ODR4: variants seen among roughly 807,000 people sequenced by gnomAD.
ODR4 encodes odr-4 GPCR localization factor homolog, also known as protein odr-4 homolog.
In ODR4, 47 loss-of-function variants were observed where a neutral mutation model predicts 60.2. The observed-to-expected ratio is 0.78, with a 90% CI of 0.62 to 1.00. The LOEUF (loss-of-function observed/expected upper bound fraction) is 1.00. ODR4 is among the 50% of genes least tolerant of loss of function. The probability of loss-of-function intolerance (pLI) is 0.00; values close to 1 mark genes in which losing one functional copy is unlikely to be tolerated. For synonymous variants in ODR4, 178 were observed against 175.5 expected (o/e 1.01, Z -0.11); for missense variants, 488 against 530.8 (o/e 0.92, Z 0.79).
At chr1:186,403,540 G>A (rs912051246) in intron 11 of ODR4, among the ~76,000 whole-genome samples, 4 of 151,852 alleles carry the variant, frequency 2.6e-5, no homozygotes, top group Non-Finnish European at 5.9e-5. Context: ...ACCTGAATTA[G>A]AGTATTTTTG....
chr1:186,380,731 C>T (rs1659991488), intron 2 of ODR4, among the ~76,000 whole-genome samples: 2 of 152,118 alleles, frequency 1.3e-5, no homozygotes, highest in South Asian at 4.1e-4. Flanking sequence ...AGCCTGATGC[C>T]TTAGAATCTT....
rs753229561 is a variant in ODR4 at position 186,420,126 on chromosome 1, C to T, written c.*1050C>T. 4 of 152,106 alleles carry T rather than the reference C, an allele frequency of 2.6e-5. No individual in the cohort carries two copies. The highest frequency in any genetic ancestry group is 6.5e-5 in the Admixed American group (1 of 15,268). 9.4% of individuals were successfully genotyped at this position (152,106 alleles called of 1,614,324 possible). A position where few individuals can be genotyped will look rare whatever the true frequency, so the allele number is the denominator to read the frequency against. ...AGGAGAATTTTCAAGAACCATACTT[C>T]GACATTTCCTCTGCCACAAAAAATG... On this transcript the variant is annotated 3_prime_UTR_variant, in exon 14 of 14. Coordinates refer to ENST00000287859, the MANE Select transcript of ODR4 (RefSeq NM_017847.6).
downstream of ODR4, among the ~76,000 whole-genome samples, chr1:186,424,885 T>C (rs1165628253): frequency 6.6e-6 from 1 of 151,920 alleles, no homozygotes; most frequent in Non-Finnish European, 1.5e-5. Flanking sequence ...GCTAAGTCCT[T>C]TTGGGGCCTT....
chr1:186,416,531 G>A (rs951836988), intron 12 of ODR4, among the ~76,000 whole-genome samples: 4 of 152,100 alleles, frequency 2.6e-5, no homozygotes, highest in Admixed American at 6.5e-5. Flanking sequence ...AGTTAGTCGG[G>A]CATAGTGGTG....
In ODR4 at chr1:186,383,132, A is replaced by G; in HGVS notation, c.210A>G (p.Glu70=). Residue 70 remains glutamate (E), a synonymous_variant, in exon 3 of 14, where the codon GAA becomes GAG. Transcript: ENST00000287859. ...PKAKLDNLDE[E]WATEHACQVS... ...CTAAGTTGGATAACTTGGATGAAGA[A>G]TGGGCCACAGAACATGCCTGCCAGG... 1 of 1,554,484 alleles carries G rather than the reference A, an allele frequency of 6.4e-7. No individual in the cohort carries two copies. The highest frequency in any genetic ancestry group is 8.7e-7 in the Non-Finnish European group (1 of 1,148,352).
At chr1:186,402,869 A>G (rs755408995) in intron 11 of ODR4, among the ~76,000 whole-genome samples, 2 of 152,310 alleles carry the variant, frequency 1.3e-5, no homozygotes, top group East Asian at 3.9e-4. Context: ...GGCATGAGCC[A>G]CTATGAATGG....
intron 2 of ODR4, among the ~76,000 whole-genome samples, chr1:186,380,386 TAGGG>T (rs1468709554): frequency 6.6e-6 from 1 of 152,062 alleles, no homozygotes; most frequent in African/African-American, 2.4e-5. Flanking sequence ...GTTGGATCAA[TAGGG>T]AGGGAGAGGG....
chr1:186,395,416 G>C (rs1660634595), intron 9 of ODR4, among the ~76,000 whole-genome samples: 2 of 151,970 alleles, frequency 1.3e-5, no homozygotes, highest in South Asian at 4.1e-4. Context: ...ATATTATATA[G>C]TATAATATAT....
chr1:186,406,697 T>C (rs189612675), intron 12 of ODR4, among the ~76,000 whole-genome samples: 7 of 151,678 alleles, frequency 4.6e-5, no homozygotes, highest in African/African-American at 1.7e-4. Context: ...CTTTTTTTTT[T>C]CATATACCTT....
At chr1:186,399,232 T>C in intron 11 of ODR4, 188 bp downstream of exon 11, 1 of 584,008 alleles carries the variant, frequency 1.7e-6, no homozygotes, top group South Asian at 1.6e-5. Context: ...TTAGACAGAG[T>C]CTCACTGTGT....
chr1:186,400,284 C>T (rs1234315084), intron 11 of ODR4, among the ~76,000 whole-genome samples: 1 of 150,636 alleles, frequency 6.6e-6, no homozygotes, highest in Non-Finnish European at 1.5e-5. Flanking sequence ...GCCACCGCGC[C>T]CGGCCTCCCC....
downstream of ODR4, among the ~76,000 whole-genome samples, chr1:186,425,909 AAC>A (rs538477467): frequency 1.4e-3 from 207 of 152,298 alleles, 2 homozygotes; most frequent in Non-Finnish European, 1.0e-4. Flanking sequence ...TCCAAAACTG[AAC>A]AGTTTCTTAG....
At chr1:186,401,284 T>A (rs1360574263) in intron 11 of ODR4, 1 of 1,133,846 alleles carries the variant, frequency 8.8e-7, no homozygotes, top group African/African-American at 1.6e-5. Context: ...TAAAGCCTAA[T>A]CCTAAATTTT....
chr1:186,381,772 G>A (rs919246642), intron 2 of ODR4, among the ~76,000 whole-genome samples: 47 of 151,808 alleles, frequency 3.1e-4, no homozygotes, highest in African/African-American at 1.1e-3. Flanking sequence ...CTGTTTCCTG[G>A]TCTCTGTCAG....
intron 7 of ODR4, among the ~76,000 whole-genome samples, chr1:186,391,291 CTTTTAT>C (rs1022049389): frequency 2.0e-5 from 3 of 148,552 alleles, no homozygotes; most frequent in African/African-American, 4.9e-5. Context: ...CTATACCATT[CTTTTAT>C]TTTTATCTTA....
chr1:186,394,866 T>G (rs1281865749), intron 9 of ODR4, among the ~76,000 whole-genome samples: 1 of 152,258 alleles, frequency 6.6e-6, no homozygotes, highest in African/African-American at 2.4e-5. Context: ...GGTATTTTAG[T>G]CTCTGATTTT....
At chr1:186,398,219 TTC>T in intron 9 of ODR4, 92 bp from the exon 10 acceptor site, 4 of 1,175,240 alleles carry the variant, frequency 3.4e-6, no homozygotes, top group Non-Finnish European at 4.5e-6. Flanking sequence ...CAAAACTTTG[TTC>T]TCTCTTCATA....
chr1:186,422,880 A>G (rs1661818371), downstream of ODR4, among the ~76,000 whole-genome samples: 1 of 152,224 alleles, frequency 6.6e-6, no homozygotes. Context: ...TATATGTTAA[A>G]GTTGTTATCA....
chr1:186,382,484 C>A (rs568366505), intron 2 of ODR4, among the ~76,000 whole-genome samples: 55 of 151,968 alleles, frequency 3.6e-4, no homozygotes, highest in Non-Finnish European at 6.3e-4. Context: ...AAACAAAAAA[C>A]TTGAGGAACA....
Sources: gnomAD v4.1 joint callset for allele counts (sites outside exome capture counted in the v4.1 genomes callset) on GRCh38, gnomAD v4.1.1 for gene constraint, MANE v1.5 for transcripts, NCBI Gene and HGNC (gene_info 2026-07-23, HGNC 2026-07-21) for gene names.